The following ZNF148 variants were observed in gnomAD, a reference collection of about 807,000 sequenced individuals.
ZNF148 encodes Beta-Enolase Repressor Factor-1.
ZNF148 carries 7 observed loss-of-function variants against 67.7 expected under a neutral mutation model. The observed-to-expected ratio is 0.10, with a 90% CI of 0.06 to 0.19. The LOEUF (loss-of-function observed/expected upper bound fraction) is 0.19, where lower values mean the gene tolerates loss of function less well. Ranked by LOEUF, ZNF148 falls within the 10% of genes least tolerant of loss-of-function variation. The pLI is 1.00. For missense variants in ZNF148, 583 were observed against 947.1 expected (o/e 0.62, Z 5.05); for synonymous variants, 333 against 330.7 (o/e 1.01, Z -0.08).
chr3:125,269,916 G>A (rs1242251142), intron 7 of ZNF148, among the ~76,000 whole-genome samples: 2 of 151,982 alleles, frequency 1.3e-5, no homozygotes, highest in Non-Finnish European at 2.9e-5. Context: ...GGTACACACA[G>A]ACGTAAAAAA....
At chr3:125,338,268 G>T (rs933166198) in intron 1 of ZNF148, among the ~76,000 whole-genome samples, 3 of 152,038 alleles carry the variant, frequency 2.0e-5, no homozygotes, top group Admixed American at 6.6e-5. Context: ...AAAGTTCAAT[G>T]TAACACCAAT....
At chr3:125,239,915 G>A (rs1386661174) in intron 7 of ZNF148, among the ~76,000 whole-genome samples, 1 of 152,184 alleles carries the variant, frequency 6.6e-6, no homozygotes, top group East Asian at 1.9e-4. Flanking sequence ...TGGTGACCCA[G>A]GGCTGGAAGG....
chr3:125,279,264 A>AAAG lies in ZNF148; in HGVS notation c.460-18_460-17insCTT. The AAAG allele has an allele frequency of 1.3e-6, 2 of 1,520,996 alleles. No homozygotes were observed. Among genetic ancestry groups the AAAG allele is most frequent in the Non-Finnish European group, 8.8e-7 (1 of 1,136,138 alleles). The allele number at this position is 1,520,996 out of a possible 1,614,324, so 94.2% of individuals were successfully genotyped here. On this transcript the variant is annotated splice_polypyrimidine_tract_variant and intron_variant, in intron 5 of 8. Coordinates refer to ENST00000360647, the MANE Select transcript of ZNF148 (RefSeq NM_021964.3). ...TGTAAGGATCTAGTTCAAAAAAAAA[A>AAAG]AGGCAAAAACAAAAGAAATAAGTTT...
At position 125,227,004 on chromosome 3, in the gene ZNF148, C is replaced by T. The variant is rs566430778; in HGVS notation, c.*5337G>A. The T allele has an allele frequency of 1.3e-5, 2 of 152,170 alleles. No individual in the cohort carries two copies. Among genetic ancestry groups the T allele is most frequent in the East Asian group, 1.9e-4 (1 of 5,178 alleles). The allele number at this position is 152,170 out of a possible 1,614,324, so 9.4% of individuals were successfully genotyped here. ...AGGAAAGACCCATTTTGTATCTGAT[C>T]CCGAGTTTGCAGTTGAGTCCTTCCC... On this transcript the variant is annotated 3_prime_UTR_variant, in exon 9 of 9. Transcript: ENST00000360647.
intron 5 of ZNF148, among the ~76,000 whole-genome samples, chr3:125,287,219 TTCTC>T (rs1938708063): frequency 6.6e-6 from 1 of 152,176 alleles, no homozygotes; most frequent in Non-Finnish European, 1.5e-5. Context: ...AAAAAGGACT[TTCTC>T]ACCACATGAG....
intron 7 of ZNF148, among the ~76,000 whole-genome samples, chr3:125,261,747 T>C (rs928850450): frequency 6.7e-6 from 1 of 149,616 alleles, no homozygotes; most frequent in Admixed American, 6.7e-5. Context: ...GAAGAATAAA[T>C]GACAGTGTCA....
At chr3:125,247,058 A>C (rs750956382) in intron 7 of ZNF148, among the ~76,000 whole-genome samples, 1 of 152,242 alleles carries the variant, frequency 6.6e-6, no homozygotes, top group Non-Finnish European at 1.5e-5. Context: ...TAACACAAAG[A>C]CATGTCAATG....
chr3:125,235,170 T>C (rs1430651350), intron 7 of ZNF148, among the ~76,000 whole-genome samples: 4 of 152,198 alleles, frequency 2.6e-5, no homozygotes, highest in Non-Finnish European at 4.4e-5. Context: ...CTTTCATACA[T>C]TTAACAAAAT....
chr3:125,350,545 C>A (rs534844254), intron 1 of ZNF148, among the ~76,000 whole-genome samples: 2 of 152,220 alleles, frequency 1.3e-5, no homozygotes, highest in East Asian at 1.9e-4. Flanking sequence ...ACTGGTTTCA[C>A]GGAAGACAAT....
At position 125,233,609 on chromosome 3, in the gene ZNF148, C is replaced by A. The variant is rs1280417152; in HGVS notation, c.1117G>T (p.Val373Phe). The change falls in exon 9 of 9, where the codon GTT becomes TTT. Residue 373 changes from valine to phenylalanine, a missense_variant. Val to Phe is a conservative substitution (Grantham distance 50). Coordinates refer to ENST00000360647, the MANE Select transcript of ZNF148 (RefSeq NM_021964.3). The surrounding 1 kb of genome is among the most constrained non-coding windows in gnomAD (Gnocchi z 5.1). ...GCATCTTCTAAATGCGAGCCCCCAACTGACGAATGTGGCATTTCAACAGCA... is the reference window on the plus strand; with the variant it reads ...GCATCTTCTAAATGCGAGCCCCCAAATGACGAATGTGGCATTTCAACAGCA... ...EYAVEMPHSSVGGSHLEDASG... is the reference protein window; with the variant it reads ...EYAVEMPHSSFGGSHLEDASG... The A allele has an allele frequency of 1.2e-6, 2 of 1,613,822 alleles. No homozygotes were observed. The highest frequency in any genetic ancestry group is 2.2e-5 in the East Asian group (1 of 44,886).
intron 1 of ZNF148, among the ~76,000 whole-genome samples, chr3:125,354,056 T>G (rs1942256895): frequency 6.6e-6 from 1 of 152,262 alleles, no homozygotes; most frequent in African/African-American, 2.4e-5. Flanking sequence ...AATAAAAATA[T>G]AAGAAAGCCA....
intron 7 of ZNF148, among the ~76,000 whole-genome samples, chr3:125,271,514 C>A (rs946878603): frequency 1.3e-5 from 2 of 152,218 alleles, no homozygotes; most frequent in Non-Finnish European, 2.9e-5. Context: ...TTCCTTGGTG[C>A]TTGATCTACC....
In ZNF148 at chr3:125,264,398, G is replaced by A. The variant is rs561071675; in HGVS notation, c.667+13328C>T. On this transcript the variant is annotated intron_variant, in intron 7 of 8. Coordinates refer to ENST00000360647, the MANE Select transcript of ZNF148 (RefSeq NM_021964.3). ...AATTAAACTGTATAATAGGACAGCC[G>A]GCTGGTGTCCAAAGAGTTGGAGAAG... Among the ~76,000 whole-genome samples the A allele has an allele frequency of 9.8e-5, 15 of 152,292 alleles. No individual in the cohort carries two copies. The South Asian group carries it at 2.1e-3, about 21-fold the overall frequency.
chr3:125,323,148 CT>C (rs1940858085), intron 3 of ZNF148, among the ~76,000 whole-genome samples, 160 bp downstream of exon 3: 1 of 152,066 alleles, frequency 6.6e-6, no homozygotes, highest in South Asian at 2.1e-4. Context: ...ATTTAAATTT[CT>C]TTTCTCAGGA....
At chr3:125,256,598 C>T (rs1190249380) in intron 7 of ZNF148, among the ~76,000 whole-genome samples, 14 of 152,156 alleles carry the variant, frequency 9.2e-5, no homozygotes, top group Admixed American at 9.2e-4. Flanking sequence ...ATCGCTTGAA[C>T]CCAGGAGGCA....
At chr3:125,320,154 T>C (rs1380192406) in intron 3 of ZNF148, among the ~76,000 whole-genome samples, 3 of 152,224 alleles carry the variant, frequency 2.0e-5, no homozygotes, top group Non-Finnish European at 1.5e-5. Flanking sequence ...TTTAAATGTA[T>C]CTTCTTAAGC....
intron 1 of ZNF148, among the ~76,000 whole-genome samples, chr3:125,341,362 TA>T (rs1941716976): frequency 6.7e-6 from 1 of 149,262 alleles, no homozygotes; most frequent in Admixed American, 6.7e-5. Context: ...CTCACACCTG[TA>T]ATTTCAGCAC....
chr3:125,314,068 T>C (rs958442665), intron 3 of ZNF148, among the ~76,000 whole-genome samples: 1 of 152,062 alleles, frequency 6.6e-6, no homozygotes, highest in Non-Finnish European at 1.5e-5. Context: ...AATTTAGAAA[T>C]AGTCATTAAG....
chr3:125,374,724 T>C (rs551845038), intron 1 of ZNF148, among the ~76,000 whole-genome samples: 4 of 152,130 alleles, frequency 2.6e-5, no homozygotes, highest in East Asian at 3.9e-4. Context: ...CCAGGCACGG[T>C]GGACAGAGCC....
Sources: gnomAD v4.1 joint callset for allele counts (sites outside exome capture counted in the v4.1 genomes callset) on GRCh38, gnomAD v4.1.1 for gene constraint, Gnocchi (gnomAD v3.1) non-coding constraint, MANE v1.5 for transcripts, NCBI Gene and HGNC (gene_info 2026-07-23, HGNC 2026-07-21) for gene names.